Variants in PICALM observed in about 807,000 individuals in gnomAD.
The protein encoded by PICALM is phosphatidylinositol binding clathrin assembly protein.
A neutral mutation model predicts 80.5 loss-of-function variants in PICALM; 40 were observed. That is an observed-to-expected ratio of 0.50 (90% confidence interval 0.39 to 0.65). The LOEUF is 0.65. Ranked by LOEUF, PICALM falls within the 30% of genes least tolerant of loss-of-function variation. PICALM has a pLI of 0.00. For missense variants in PICALM, 676 were observed against 778.9 expected, an observed-to-expected ratio of 0.87 and a Z score of 1.57; for synonymous variants, 288 against 260.3, an observed-to-expected ratio of 1.11 and a Z score of -1.02.
intron 8 of PICALM, among the ~76,000 whole-genome samples, chr11:86,004,862 G>A (rs547851864): frequency 1.3e-5 from 2 of 152,270 alleles, no homozygotes; most frequent in East Asian, 3.9e-4. Flanking sequence ...TACTACATTG[G>A]AAGATGAACT....
Position 86,007,857 on chromosome 11 carries a change from T to C in PICALM, c.766-274A>G, listed in dbSNP as rs558288447. Reference sequence around the variant, plus strand: ...TCTGAACACCTGTATGTAAGCTACCTTGTCACAATCTGAAAACTCCCCTCT... The same window carrying C: ...TCTGAACACCTGTATGTAAGCTACCCTGTCACAATCTGAAAACTCCCCTCT... On this transcript the variant is annotated intron_variant, in intron 7 of 19. Coordinates refer to ENST00000393346, the MANE Select transcript of PICALM (RefSeq NM_007166.4). Among the ~76,000 whole-genome samples the C allele has an allele frequency of 3.3e-5, 5 of 152,190 alleles. No individual in the cohort carries two copies. The East Asian group carries it at 9.6e-4, about 29-fold the overall frequency.
intron 19 of PICALM, among the ~76,000 whole-genome samples, chr11:85,961,107 A>C (rs1326060912): frequency 3.3e-5 from 5 of 151,662 alleles, no homozygotes; most frequent in Admixed American, 1.3e-4. Flanking sequence ...GGGATAGGGG[A>C]GGGAATACAT....
chr11:86,022,595 C>T, intron 3 of PICALM, 126 bp from the exon 4 acceptor site: 1 of 520,724 alleles, frequency 1.9e-6, no homozygotes, highest in South Asian at 2.9e-5. Context: ...CTTGATATCC[C>T]AATTCAATTT....
intron 1 of PICALM, among the ~76,000 whole-genome samples, chr11:86,054,068 T>C (rs2096233980): frequency 1.3e-5 from 2 of 152,198 alleles, no homozygotes; most frequent in African/African-American, 4.8e-5. Flanking sequence ...ATTCATAAAT[T>C]TGGAACTCAA....
chr11:86,041,974 T>C (rs537334408), intron 1 of PICALM, among the ~76,000 whole-genome samples: 1 of 152,314 alleles, frequency 6.6e-6, no homozygotes, highest in Non-Finnish European at 1.5e-5. Context: ...CTCCTCTGAT[T>C]ATCAAAATGT....
At chr11:86,026,853 T>C (rs913544806) in intron 2 of PICALM, among the ~76,000 whole-genome samples, 7 of 152,230 alleles carry the variant, frequency 4.6e-5, no homozygotes, top group Non-Finnish European at 1.0e-4. Flanking sequence ...ATAGCCTCCA[T>C]TGAAGAACCA....
At chr11:86,047,509 C>G (rs1428507528) in intron 1 of PICALM, among the ~76,000 whole-genome samples, 1 of 152,158 alleles carries the variant, frequency 6.6e-6, no homozygotes, top group Non-Finnish European at 1.5e-5. Flanking sequence ...TGTCAGAGAA[C>G]AAACTAAATC....
At chr11:85,976,123 G>C (rs2094274135) in intron 18 of PICALM, among the ~76,000 whole-genome samples, 1 of 152,134 alleles carries the variant, frequency 6.6e-6, no homozygotes, top group African/African-American at 2.4e-5. Flanking sequence ...TCTATATACT[G>C]AGAGTTGGGA....
intron 1 of PICALM, among the ~76,000 whole-genome samples, chr11:86,048,534 G>A (rs1159998114): frequency 6.6e-6 from 1 of 151,974 alleles, no homozygotes; most frequent in African/African-American, 2.4e-5. Context: ...TAAAGCTAAT[G>A]TTAATAAAAG....
At chr11:86,045,037 A>G (rs1165295638) in intron 1 of PICALM, among the ~76,000 whole-genome samples, 1 of 152,210 alleles carries the variant, frequency 6.6e-6, no homozygotes, top group Non-Finnish European at 1.5e-5. Flanking sequence ...CTGGAAACCA[A>G]CTGCAGTAAT....
At chr11:86,016,268 C>T (rs1034485611) in intron 4 of PICALM, among the ~76,000 whole-genome samples, 2 of 152,186 alleles carry the variant, frequency 1.3e-5, no homozygotes, top group African/African-American at 4.8e-5. Context: ...TCTAACCTTA[C>T]TGCCCCCAGA....
chr11:86,066,158 AG>A (rs1259108989), intron 1 of PICALM, among the ~76,000 whole-genome samples: 1 of 152,214 alleles, frequency 6.6e-6, no homozygotes, highest in Non-Finnish European at 1.5e-5. Context: ...TGTCCGTAGA[AG>A]ACTTTTTAAT....
At chr11:86,056,997 CA>C (rs1290718125) in intron 1 of PICALM, among the ~76,000 whole-genome samples, 3 of 152,046 alleles carry the variant, frequency 2.0e-5, no homozygotes, top group African/African-American at 7.2e-5. Context: ...TTAATGGTTG[CA>C]GGGGGGCCGA....
In PICALM at chr11:85,974,458, T is replaced by C. The variant is rs151074622; in HGVS notation, c.1944+250A>G. The C allele has an allele frequency of 4.5e-3, 2,700 of 600,988 alleles. 27 individuals carry two copies. The highest frequency in any genetic ancestry group is 0.01 in the South Asian group (756 of 72,274). The allele number at this position is 600,988 out of a possible 1,614,324, so 37.2% of individuals were successfully genotyped here. On this transcript the variant is annotated intron_variant, in intron 19 of 19. Coordinates refer to ENST00000393346, the MANE Select transcript of PICALM (RefSeq NM_007166.4). ...AGGCTCCTTAATCTCAGAAAAATCA[T>C]CCTTTGGATCTACCAACTATAAGTT...
Position 85,974,828 on chromosome 11 carries a change from A to G in PICALM, c.1840-16T>C. ...TTTGTGGAGGCTAAAAAAGAGAAAAATATCAAAAGATACTGACTCCTATCT... is the reference window on the plus strand; with the variant it reads ...TTTGTGGAGGCTAAAAAAGAGAAAAGTATCAAAAGATACTGACTCCTATCT... On this transcript the variant is annotated splice_polypyrimidine_tract_variant and intron_variant, in intron 18 of 19. Coordinates refer to ENST00000393346, the MANE Select transcript of PICALM (RefSeq NM_007166.4). 1.3e-6 allele frequency: 2 copies of G among 1,492,018 alleles called. No homozygotes were observed. Among genetic ancestry groups the G allele is most frequent in the Non-Finnish European group, 1.9e-6 (2 of 1,068,672 alleles). 92.4% of individuals were successfully genotyped at this position (1,492,018 alleles called of 1,614,324 possible).
At chr11:86,060,008 A>G (rs1381893558) in intron 1 of PICALM, among the ~76,000 whole-genome samples, 1 of 152,142 alleles carries the variant, frequency 6.6e-6, no homozygotes, top group East Asian at 1.9e-4. Flanking sequence ...CATACTGAAC[A>G]CTCCTTCCAA....
Position 85,983,976 on chromosome 11 carries a change from G to C in PICALM, c.1409-3C>G. 6.9e-7 allele frequency: 1 copy of C among 1,444,264 alleles called. No homozygotes were observed. Among genetic ancestry groups the C allele is most frequent in the Non-Finnish European group, 9.7e-7 (1 of 1,034,616 alleles). 89.5% of individuals were successfully genotyped at this position (1,444,264 alleles called of 1,614,324 possible). On this transcript the variant is annotated splice_polypyrimidine_tract_variant and splice_region_variant and intron_variant, in intron 13 of 19. Coordinates refer to ENST00000393346, the MANE Select transcript of PICALM (RefSeq NM_007166.4). ...TGCAACTGGAGAAGGAGTGAATCCT[G>C]AGTAAACCAAAATGGAAAAAAGCTC...
At chr11:86,022,258 C>A in intron 4 of PICALM, 109 bp downstream of exon 4, 1 of 633,402 alleles carries the variant, frequency 1.6e-6, no homozygotes, top group Non-Finnish European at 2.7e-6. Context: ...AAAAATGAGG[C>A]TCATCTTTTA....
At chr11:86,018,373 T>C (rs893758776) in intron 4 of PICALM, among the ~76,000 whole-genome samples, 8 of 152,208 alleles carry the variant, frequency 5.3e-5, no homozygotes, top group Non-Finnish European at 1.2e-4. Flanking sequence ...TTTAAGCCAA[T>C]AATTTAGTAT....
Sources: allele counts gnomAD v4.1 joint callset (sites outside exome capture counted in the v4.1 genomes callset), GRCh38; gene constraint gnomAD v4.1.1; transcripts MANE v1.5; gene names NCBI Gene and HGNC (gene_info 2026-07-23, HGNC 2026-07-21).